The following WWOX variants were observed in gnomAD, a reference collection of about 807,000 sequenced individuals.
The protein encoded by WWOX is WW domain-containing oxidoreductase.
Under a neutral mutation model 46.2 loss-of-function variants are expected in WWOX, and 69 were observed. That is an observed-to-expected ratio of 1.49 (90% CI 1.23 to 1.82). The LOEUF (loss-of-function observed/expected upper bound fraction) is 1.82, where lower values mean the gene tolerates loss of function less well. WWOX is among the 40% of genes most tolerant of loss of function. The probability of loss-of-function intolerance (pLI) is 0.00; values close to 1 mark genes in which losing one functional copy is unlikely to be tolerated. For missense variants in WWOX, 919 were observed against 542.6 expected (o/e 1.69, Z -6.89); for synonymous variants, 359 against 202.6 (o/e 1.77, Z -6.56).
intron 8 of WWOX, among the ~76,000 whole-genome samples, chr16:79,051,006 G>A (rs543525537): frequency 2.6e-5 from 4 of 152,298 alleles, no homozygotes; most frequent in African/African-American, 7.2e-5. Flanking sequence ...CAAATCACAC[G>A]TCACGGCTCT....
intron 8 of WWOX, among the ~76,000 whole-genome samples, chr16:79,044,877 C>G (rs2150518298): frequency 1.3e-5 from 2 of 152,258 alleles, no homozygotes; most frequent in Middle Eastern, 3.4e-3. Context: ...TCATTGAGTC[C>G]CCCATCCTCC....
At chr16:79,092,394 G>C (rs917440755) in intron 8 of WWOX, among the ~76,000 whole-genome samples, 1 of 152,172 alleles carries the variant, frequency 6.6e-6, no homozygotes, top group Non-Finnish European at 1.5e-5. Flanking sequence ...TATTAATAAA[G>C]CCAGAGGCGA....
At chr16:78,631,353 G>A (rs1489769513) in intron 8 of WWOX, among the ~76,000 whole-genome samples, 2 of 152,030 alleles carry the variant, frequency 1.3e-5, no homozygotes, top group South Asian at 2.1e-4. Flanking sequence ...AGCTGGACAG[G>A]TCCAGCATCC....
intron 8 of WWOX, among the ~76,000 whole-genome samples, chr16:79,141,612 C>G (rs182798312): frequency 6.6e-6 from 1 of 152,232 alleles, no homozygotes; most frequent in African/African-American, 2.4e-5. Flanking sequence ...CAAAAATGTC[C>G]TCCAAAGAAG....
At chr16:78,537,882 C>T (rs904158040) in intron 8 of WWOX, among the ~76,000 whole-genome samples, 5 of 152,132 alleles carry the variant, frequency 3.3e-5, no homozygotes, top group Non-Finnish European at 5.9e-5. Flanking sequence ...CGGCCTTCTC[C>T]GGAAGGTTGT....
chr16:79,061,532 C>T (rs1017012970), intron 8 of WWOX, among the ~76,000 whole-genome samples: 1 of 152,166 alleles, frequency 6.6e-6, no homozygotes, highest in Non-Finnish European at 1.5e-5. Context: ...TTAGAAGCTG[C>T]TGATTTCTGG....
chr16:79,152,495 C>A (rs1247210060), intron 8 of WWOX, among the ~76,000 whole-genome samples: 2 of 152,040 alleles, frequency 1.3e-5, no homozygotes, highest in Non-Finnish European at 2.9e-5. Context: ...CATGGTGAAA[C>A]CCTGTCTCTA....
At chr16:78,258,880 C>T (rs992670201) in intron 5 of WWOX, among the ~76,000 whole-genome samples, 6 of 152,086 alleles carry the variant, frequency 3.9e-5, no homozygotes, top group Non-Finnish European at 5.9e-5. Flanking sequence ...CTCATTATCA[C>T]ACTCCACAAA....
intron 8 of WWOX, among the ~76,000 whole-genome samples, chr16:79,095,827 C>A (rs147252740): frequency 6.6e-6 from 1 of 151,226 alleles, no homozygotes; most frequent in Non-Finnish European, 1.5e-5. Flanking sequence ...GCCCTCGCCT[C>A]CCGCCTGGAT....
chr16:78,777,004 G>A (rs16948449), intron 8 of WWOX, among the ~76,000 whole-genome samples: 3,923 of 152,142 alleles, frequency 0.026, 174 homozygotes, highest in African/African-American at 0.091. Flanking sequence ...ATGGCATCTC[G>A]TTTTTACAGA....
intron 8 of WWOX, among the ~76,000 whole-genome samples, chr16:78,945,116 G>C (rs958093691): frequency 6.6e-6 from 1 of 152,118 alleles, no homozygotes; most frequent in East Asian, 1.9e-4. Flanking sequence ...GGATATCAAG[G>C]CTACAGTGAG....
intron 8 of WWOX, among the ~76,000 whole-genome samples, chr16:78,570,173 A>T (rs568673286): frequency 6.6e-6 from 1 of 152,346 alleles, no homozygotes; most frequent in African/African-American, 2.4e-5. Flanking sequence ...TTAACTTTGC[A>T]AACAAACTCA....
At chr16:78,908,495 A>G (rs1010830289) in intron 8 of WWOX, among the ~76,000 whole-genome samples, 6 of 151,464 alleles carry the variant, frequency 4.0e-5, no homozygotes, top group Non-Finnish European at 5.9e-5. Flanking sequence ...AGTCGAGATC[A>G]CACCACTGCA....
intron 8 of WWOX, among the ~76,000 whole-genome samples, chr16:78,943,922 A>T (rs1417729739): frequency 6.6e-6 from 1 of 152,190 alleles, no homozygotes; most frequent in Non-Finnish European, 1.5e-5. Flanking sequence ...CATTCCTGCT[A>T]CCCAAGGCCT....
At chr16:78,608,919 C>T (rs574840116) in intron 8 of WWOX, among the ~76,000 whole-genome samples, 48 of 152,148 alleles carry the variant, frequency 3.2e-4, no homozygotes, top group East Asian at 2.7e-3. Flanking sequence ...CCTATATGCT[C>T]GAAACGATTT....
intron 8 of WWOX, among the ~76,000 whole-genome samples, chr16:78,592,639 G>C (rs756217641): frequency 6.6e-6 from 1 of 152,154 alleles, no homozygotes; most frequent in Non-Finnish European, 1.5e-5. Flanking sequence ...GGCATATTTT[G>C]GCAGGCCTGG....
chr16:78,845,421 G>A (rs1265733983), intron 8 of WWOX, among the ~76,000 whole-genome samples: 2 of 152,096 alleles, frequency 1.3e-5, no homozygotes, highest in African/African-American at 2.4e-5. Flanking sequence ...TTTTAGGAGC[G>A]GCCTGGAAAC....
chr16:78,772,944 G>C (rs1330113477), intron 8 of WWOX, among the ~76,000 whole-genome samples: 19 of 152,168 alleles, frequency 1.2e-4, no homozygotes, highest in Non-Finnish European at 2.9e-5. Flanking sequence ...AGGATTGCTT[G>C]GGCCCAGGAG....
intron 8 of WWOX, among the ~76,000 whole-genome samples, chr16:79,109,229 C>T (rs1201417861): frequency 6.6e-6 from 1 of 152,206 alleles, no homozygotes; most frequent in Non-Finnish European, 1.5e-5. Flanking sequence ...CCTTTTGCCG[C>T]TGTCCTCCTA....
Sources: allele counts gnomAD v4.1 joint callset (sites outside exome capture counted in the v4.1 genomes callset), GRCh38; gene constraint gnomAD v4.1.1; transcripts MANE v1.5; gene names NCBI Gene and HGNC (gene_info 2026-07-23, HGNC 2026-07-21).